The following ZYG11B variants were observed in gnomAD, a reference collection of about 807,000 sequenced individuals.
ZYG11B encodes protein zyg-11 homolog B.
ZYG11B carries 36 observed loss-of-function variants against 82.4 expected under a neutral mutation model. The observed-to-expected ratio is 0.44, with a 90% CI of 0.33 to 0.58. ZYG11B has a LOEUF of 0.58. ZYG11B is among the 20% of genes least tolerant of loss of function. The pLI is 0.02. For synonymous variants in ZYG11B, 303 were observed against 312.8 expected, an observed-to-expected ratio of 0.97 and a Z score of 0.33; for missense variants, 552 against 895.6, an observed-to-expected ratio of 0.62 and a Z score of 4.90.
At chr1:52,733,344 T>G (rs1275520106) in intron 1 of ZYG11B, among the ~76,000 whole-genome samples, 1 of 152,180 alleles carries the variant, frequency 6.6e-6, no homozygotes, top group Non-Finnish European at 1.5e-5. Flanking sequence ...TGCTTAATGA[T>G]TTCCAAGAGT....
rs1274527415 is a variant in ZYG11B, at chr1:52,795,078, C to T, written c.1335-1214C>T. Among the ~76,000 whole-genome samples, 4 of 152,120 alleles carry T rather than the reference C, an allele frequency of 2.6e-5. No individual in the cohort carries two copies. In the East Asian group the frequency reaches 7.7e-4, roughly 29 times the overall value. On this transcript the variant is annotated intron_variant, in intron 6 of 13. Coordinates refer to ENST00000294353, the MANE Select transcript of ZYG11B (RefSeq NM_024646.3). ...TTAATGATATGGTTTGGCCCTGTGACGCCACCCAAATCTCATGTTAAATTG... is the reference window on the plus strand; with the variant it reads ...TTAATGATATGGTTTGGCCCTGTGATGCCACCCAAATCTCATGTTAAATTG...
rs75056160 is a variant in ZYG11B at position 52,776,233 on chromosome 1, T to A, written c.952-3620T>A. On this transcript the variant is annotated intron_variant, in intron 3 of 13. Coordinates refer to ENST00000294353, the MANE Select transcript of ZYG11B (RefSeq NM_024646.3). ...AAACTCTGTCTTAAAAAAAAAAATA[T>A]ATATATATATATGCAATAAAGTTGG... Among the ~76,000 whole-genome samples, 102 of 33,766 alleles carry A rather than the reference T, an allele frequency of 3.0e-3. 4 individuals carry two copies. Among genetic ancestry groups the A allele is most frequent in the African/African-American group, 5.9e-3 (46 of 7,854 alleles). 22.2% of individuals were successfully genotyped at this position (33,766 alleles called of 152,430 possible).
In ZYG11B at chr1:52,822,781, AT is replaced by A. The variant is rs1046425615; in HGVS notation, c.*1158del. 77 of 152,320 alleles carry A rather than the reference AT, an allele frequency of 5.1e-4. No individual in the cohort carries two copies. The highest frequency in any genetic ancestry group is 1.7e-3 in the African/African-American group (71 of 41,582). The allele number at this position is 152,320 out of a possible 1,614,324, so 9.4% of individuals were successfully genotyped here. A position where few individuals can be genotyped will look rare whatever the true frequency, so the allele number is the denominator to read the frequency against. On this transcript the variant is annotated 3_prime_UTR_variant, in exon 14 of 14. Coordinates refer to ENST00000294353, the MANE Select transcript of ZYG11B (RefSeq NM_024646.3). ...TAACAGCACATATTTTTGACAGATT[AT>A]TTTTTAGGCAATTACCTTTCCTTAA...
intron 5 of ZYG11B, among the ~76,000 whole-genome samples, chr1:52,787,304 C>T (rs1180510335): frequency 6.6e-6 from 1 of 152,150 alleles, no homozygotes; most frequent in Non-Finnish European, 1.5e-5. Flanking sequence ...AGAGTACATA[C>T]ATGTGATTCA....
At chr1:52,733,691 G>A (rs1392835824) in intron 1 of ZYG11B, among the ~76,000 whole-genome samples, 2 of 152,122 alleles carry the variant, frequency 1.3e-5, no homozygotes, top group African/African-American at 4.8e-5. Flanking sequence ...GAGATATCTT[G>A]ATGTATCATT....
intron 9 of ZYG11B, 44 bp downstream of exon 9, chr1:52,802,024 T>G: frequency 6.3e-7 from 1 of 1,582,466 alleles, no homozygotes; most frequent in Non-Finnish European, 8.6e-7. Context: ...TTTATTAATT[T>G]ATTTACTTTA....
In ZYG11B at chr1:52,816,595, A is replaced by G. The variant is rs2149966778; in HGVS notation, c.2010A>G (p.Ala670=). ...CFTTPGVQLW[A]VWAMQHVCSK... The stretch of plus-strand genomic sequence containing the variant: ...CAACACCAGGAGTTCAGCTATGGGC[A>G]GTTTGGGCCATGCAACATGTCTGCA... Residue 670 remains alanine, a synonymous_variant, in exon 13 of 14, where the codon GCA becomes GCG. Coordinates refer to ENST00000294353, the MANE Select transcript of ZYG11B (RefSeq NM_024646.3). The G allele has an allele frequency of 6.2e-7, 1 of 1,612,602 alleles. No homozygotes were observed. Among genetic ancestry groups the G allele is most frequent in the Non-Finnish European group, 8.5e-7 (1 of 1,179,674 alleles).
At chr1:52,817,678 G>T (rs1407761544) in intron 13 of ZYG11B, among the ~76,000 whole-genome samples, 10 of 148,650 alleles carry the variant, frequency 6.7e-5, no homozygotes, top group African/African-American at 2.5e-4. Flanking sequence ...CAGCCATCAA[G>T]CGTGGCCTAA....
chr1:52,743,092 A>T (rs902630760), intron 1 of ZYG11B, among the ~76,000 whole-genome samples: 3 of 152,042 alleles, frequency 2.0e-5, no homozygotes, highest in Non-Finnish European at 4.4e-5. Context: ...CATGATGACG[A>T]TGGCGGTTTT....
chr1:52,759,669 T>C (rs545621739), intron 2 of ZYG11B, among the ~76,000 whole-genome samples: 3 of 152,312 alleles, frequency 2.0e-5, no homozygotes, highest in South Asian at 2.1e-4. Context: ...TTTCCATCTT[T>C]AAACAGTCAA....
At chr1:52,789,408 C>T (rs1433163587) in intron 5 of ZYG11B, among the ~76,000 whole-genome samples, 1 of 151,486 alleles carries the variant, frequency 6.6e-6, no homozygotes, top group Non-Finnish European at 1.5e-5. Context: ...TTTTTTAAGC[C>T]CACACTTATT....
chr1:52,809,252 C>G (rs1290540312), intron 10 of ZYG11B, among the ~76,000 whole-genome samples: 1 of 152,024 alleles, frequency 6.6e-6, no homozygotes, highest in African/African-American at 2.4e-5. Flanking sequence ...GTTGTAGAAC[C>G]ATCACTACCA....
chr1:52,812,723 T>A (rs947992307), intron 10 of ZYG11B, among the ~76,000 whole-genome samples: 22 of 151,394 alleles, frequency 1.5e-4, no homozygotes, highest in African/African-American at 5.1e-4. Context: ...TTTGTTTGTT[T>A]GTTTGTTTGT....
In ZYG11B at chr1:52,790,053, T is replaced by G; in HGVS notation, c.1320T>G (p.Asp440Glu). The G allele has an allele frequency of 6.3e-7, 1 of 1,594,110 alleles. No individual in the cohort carries two copies. Among genetic ancestry groups the G allele is most frequent in the Admixed American group, 1.7e-5 (1 of 59,354 alleles). Residue 440 changes from aspartate to glutamate, a missense_variant, in exon 6 of 14, where the codon GAT (aspartate) becomes GAG (glutamate). Asp to Glu is a conservative substitution (Grantham distance 45). Coordinates refer to ENST00000294353, the MANE Select transcript of ZYG11B (RefSeq NM_024646.3). Reference sequence around the variant, plus strand: ...TTTGCAGTGACCGGATCCTTCAAGATGTTCCATTTAACAGGCAAGTGATAG... The same window carrying G: ...TTTGCAGTGACCGGATCCTTCAAGAGGTTCCATTTAACAGGCAAGTGATAG... ...LSLCSDRILQ[D>E]VPFNRFEAAK...
rs199605472 is a variant in ZYG11B at position 52,801,802 on chromosome 1, GTTTT to G, written c.1486-7_1486-4del. 1.5e-6 allele frequency: 2 copies of G among 1,362,350 alleles called. No homozygotes were observed. Among genetic ancestry groups the G allele is most frequent in the Non-Finnish European group, 2.0e-6 (2 of 1,000,836 alleles). The allele number at this position is 1,362,350 out of a possible 1,614,324, so 84.4% of individuals were successfully genotyped here. ...AGTTCAAAAGTGAAAACTTATTTCTGTTTTTTTTTTTTTCAGCAACTTCTTCAAA... is the reference window on the plus strand; with the variant it reads ...AGTTCAAAAGTGAAAACTTATTTCTGTTTTTTTTTCAGCAACTTCTTCAAA... On this transcript the variant is annotated splice_polypyrimidine_tract_variant and intron_variant, in intron 8 of 13. Transcript: ENST00000294353.
At position 52,762,976 on chromosome 1, in the gene ZYG11B, TGG is replaced by T. The variant is rs34535989; in HGVS notation, c.196+6364_196+6365del. Among the ~76,000 whole-genome samples the T allele has an allele frequency of 3.7e-4, 38 of 103,088 alleles. 1 individual carries two copies. The highest frequency in any genetic ancestry group is 1.1e-3 in the African/African-American group (27 of 23,764). 67.6% of individuals were successfully genotyped at this position (103,088 alleles called of 152,430 possible). On this transcript the variant is annotated intron_variant, in intron 2 of 13. Coordinates refer to ENST00000294353, the MANE Select transcript of ZYG11B (RefSeq NM_024646.3). ...GTTGGTTTTTGTAAAGGTGAGAGAT[TGG>T]GGGGGGGGGGTCTAGTTTCATTCTT...
At chr1:52,747,112 G>A (rs558340486) in intron 1 of ZYG11B, among the ~76,000 whole-genome samples, 1 of 151,632 alleles carries the variant, frequency 6.6e-6, no homozygotes, top group East Asian at 1.9e-4. Context: ...AGTTGTGAGG[G>A]GTAAATGATA....
At chr1:52,810,879 A>G (rs1047646606) in intron 10 of ZYG11B, among the ~76,000 whole-genome samples, 2 of 152,022 alleles carry the variant, frequency 1.3e-5, no homozygotes, top group African/African-American at 4.8e-5. Context: ...TACTAAAAAT[A>G]TAAAAATTAG....
At chr1:52,787,361 T>G (rs1441056849) in intron 5 of ZYG11B, among the ~76,000 whole-genome samples, 1 of 152,224 alleles carries the variant, frequency 6.6e-6, no homozygotes, top group Non-Finnish European at 1.5e-5. Context: ...ACACATTATT[T>G]AGGAATATAA....
Sources: allele counts gnomAD v4.1 joint callset (sites outside exome capture counted in the v4.1 genomes callset), GRCh38; gene constraint gnomAD v4.1.1; transcripts MANE v1.5; gene names NCBI Gene and HGNC (gene_info 2026-07-23, HGNC 2026-07-21).